Variants in CLSTN2 observed in about 807,000 individuals in gnomAD.
CLSTN2 encodes calsyntenin-2.
A neutral mutation model predicts 101.2 loss-of-function variants in CLSTN2; 48 were observed. That is an observed-to-expected ratio of 0.47 (90% CI 0.38 to 0.60). The LOEUF is 0.60. Among genes scored for constraint, CLSTN2 ranks in the 20% least tolerant of loss-of-function variants. The pLI is 0.00. For missense variants in CLSTN2, 1,160 were observed against 1,238.2 expected (o/e 0.94, Z 0.95); for synonymous variants, 481 against 463.6 (o/e 1.04, Z -0.48).
intron 2 of CLSTN2, among the ~76,000 whole-genome samples, chr3:140,348,470 C>T (rs974101015): frequency 6.6e-6 from 1 of 152,140 alleles, no homozygotes; most frequent in Non-Finnish European, 1.5e-5. Context: ...GGGCAGTACC[C>T]CCTACCCCAG....
intron 2 of CLSTN2, among the ~76,000 whole-genome samples, chr3:140,372,820 T>A (rs1218292140): frequency 6.6e-6 from 1 of 152,210 alleles, no homozygotes; most frequent in Middle Eastern, 3.2e-3. Context: ...GGCTCACACC[T>A]GTAATGTCAG....
chr3:140,163,002 TG>T (rs1559794760), intron 1 of CLSTN2, among the ~76,000 whole-genome samples: 4 of 152,222 alleles, frequency 2.6e-5, no homozygotes, highest in African/African-American at 9.6e-5. Context: ...TAGAGAAATT[TG>T]TACTATCCTA....
Position 140,172,160 on chromosome 3 carries a change from C to A in CLSTN2, c.110-3791C>A, listed in dbSNP as rs533404319. 6.0e-5 allele frequency among the ~76,000 whole-genome samples: 9 copies of A among 150,622 alleles called. No individual in the cohort carries two copies. The East Asian group carries it at 1.8e-3, about 30-fold the overall frequency. On this transcript the variant is annotated intron_variant, in intron 1 of 16. Coordinates refer to ENST00000458420, the MANE Select transcript of CLSTN2 (RefSeq NM_022131.3). The stretch of plus-strand genomic sequence containing the variant: ...GGAACAATTTTGATTATTCTAGCCC[C>A]CCTCTAACCTGTTATTTTGAATCTG...
chr3:140,158,009 C>T (rs1361825607), intron 1 of CLSTN2, among the ~76,000 whole-genome samples: 1 of 152,098 alleles, frequency 6.6e-6, no homozygotes, highest in Non-Finnish European at 1.5e-5. Flanking sequence ...AAGCAATGTC[C>T]CTTCATAACA....
intron 2 of CLSTN2, among the ~76,000 whole-genome samples, chr3:140,315,596 T>C (rs1258891511): frequency 6.6e-6 from 1 of 152,234 alleles, no homozygotes; most frequent in Non-Finnish European, 1.5e-5. Context: ...CATTGTTTCC[T>C]TGCTCAGTCC....
intron 2 of CLSTN2, among the ~76,000 whole-genome samples, chr3:140,206,359 C>A (rs535049678): frequency 6.6e-6 from 1 of 152,294 alleles, no homozygotes; most frequent in Admixed American, 6.5e-5. Flanking sequence ...TCAACCTCCC[C>A]TAGCTTGAGG....
intron 2 of CLSTN2, among the ~76,000 whole-genome samples, chr3:140,324,376 A>T (rs970822691): frequency 3.3e-5 from 5 of 152,246 alleles, no homozygotes; most frequent in African/African-American, 1.2e-4. Flanking sequence ...TTTAAGTGAC[A>T]TGTAAAAATG....
chr3:140,317,132 T>C (rs1437508752), intron 2 of CLSTN2, among the ~76,000 whole-genome samples: 1 of 152,228 alleles, frequency 6.6e-6, no homozygotes, highest in African/African-American at 2.4e-5. Flanking sequence ...TGCTTCTTTA[T>C]AATGATGCTA....
At chr3:140,238,349 G>A (rs1312464795) in intron 2 of CLSTN2, among the ~76,000 whole-genome samples, 1 of 152,092 alleles carries the variant, frequency 6.6e-6, no homozygotes, top group African/African-American at 2.4e-5. Flanking sequence ...TCTCTACACT[G>A]AATTATGCAT....
chr3:140,450,058 TG>T, intron 6 of CLSTN2: 1 of 152,230 alleles, frequency 6.6e-6, no homozygotes, highest in East Asian at 1.9e-4. Context: ...AAGGTGGATA[TG>T]GAGGAAAGCC....
intron 8 of CLSTN2, among the ~76,000 whole-genome samples, chr3:140,516,511 T>G (rs115797194): frequency 0.036 from 5,416 of 152,208 alleles, 326 homozygotes; most frequent in African/African-American, 0.12. Flanking sequence ...TTTTAGCAGT[T>G]CATATAGTGC....
intron 2 of CLSTN2, among the ~76,000 whole-genome samples, chr3:140,388,086 C>T (rs1200660149): frequency 2.0e-5 from 3 of 152,222 alleles, no homozygotes; most frequent in Non-Finnish European, 4.4e-5. Context: ...CGTGGTTTAA[C>T]GTCTTGCCTG....
intron 4 of CLSTN2, among the ~76,000 whole-genome samples, chr3:140,406,532 G>T (rs1216825769): frequency 1.3e-5 from 2 of 152,056 alleles, no homozygotes; most frequent in Admixed American, 1.3e-4. Context: ...CTAAGAAGAA[G>T]GTAATTTTAA....
At chr3:140,359,488 G>GA (rs2087705629) in intron 2 of CLSTN2, among the ~76,000 whole-genome samples, 1 of 152,188 alleles carries the variant, frequency 6.6e-6, no homozygotes, top group African/African-American at 2.4e-5. Context: ...AAGGAAAAAG[G>GA]AATGGGGCTT....
intron 1 of CLSTN2, among the ~76,000 whole-genome samples, chr3:140,021,968 G>A (rs533692500): frequency 6.6e-6 from 1 of 152,318 alleles, no homozygotes; most frequent in Non-Finnish European, 1.5e-5. Flanking sequence ...GACAGAACTG[G>A]GACCTGGGCA....
chr3:140,218,226 G>T (rs1312323825), intron 2 of CLSTN2, among the ~76,000 whole-genome samples: 2 of 152,066 alleles, frequency 1.3e-5, no homozygotes, highest in Non-Finnish European at 2.9e-5. Flanking sequence ...GAGAGATTCT[G>T]GTATTTAGAA....
chr3:140,484,300 C>A (rs1934192030), intron 8 of CLSTN2, among the ~76,000 whole-genome samples: 1 of 152,260 alleles, frequency 6.6e-6, no homozygotes, highest in Admixed American at 6.5e-5. Flanking sequence ...CCCCCACTCT[C>A]TTCTGGCTTG....
chr3:140,480,868 T>G (rs548047295), intron 8 of CLSTN2, among the ~76,000 whole-genome samples: 16 of 152,340 alleles, frequency 1.1e-4, no homozygotes, highest in African/African-American at 3.8e-4. Flanking sequence ...ATGAGTAGAT[T>G]GCAAAAATTT....
At chr3:140,203,568 C>T (rs757904678) in intron 2 of CLSTN2, among the ~76,000 whole-genome samples, 3 of 145,958 alleles carry the variant, frequency 2.1e-5, no homozygotes, top group African/African-American at 7.6e-5. Context: ...CCTGAGACCA[C>T]GGTGCAATTT....
Sources: allele counts gnomAD v4.1 joint callset (sites outside exome capture counted in the v4.1 genomes callset), GRCh38; gene constraint gnomAD v4.1.1; transcripts MANE v1.5; gene names NCBI Gene and HGNC (gene_info 2026-07-23, HGNC 2026-07-21).